THSD4: variants seen among roughly 807,000 people sequenced by gnomAD.
THSD4 encodes the protein thrombospondin type-1 domain-containing protein 4.
In THSD4, 69 loss-of-function variants were observed where a neutral mutation model predicts 119.0. That is an observed-to-expected ratio of 0.58 (90% CI 0.48 to 0.71). The LOEUF (loss-of-function observed/expected upper bound fraction) is 0.71, where lower values mean the gene tolerates loss of function less well. Among genes scored for constraint, THSD4 ranks in the 30% least tolerant of loss-of-function variants. THSD4 has a pLI of 0.00. For synonymous variants in THSD4, 524 were observed against 540.4 expected (o/e 0.97, Z 0.42); for missense variants, 1,393 against 1,391.1 (o/e 1.00, Z -0.02).
At chr15:71,304,826 G>A (rs1247332253) in intron 6 of THSD4, among the ~76,000 whole-genome samples, 1 of 152,226 alleles carries the variant, frequency 6.6e-6, no homozygotes, top group Non-Finnish European at 1.5e-5. Flanking sequence ...TAGGCAAAAA[G>A]AGTGGTAGAA....
chr15:71,433,714 G>C (rs1238782800), intron 7 of THSD4, among the ~76,000 whole-genome samples: 2 of 152,104 alleles, frequency 1.3e-5, no homozygotes, highest in African/African-American at 4.8e-5. Context: ...ATGATGCCAG[G>C]AGGATCCAAC....
At chr15:71,570,072 A>G (rs1335707045) in intron 7 of THSD4, among the ~76,000 whole-genome samples, 3 of 152,222 alleles carry the variant, frequency 2.0e-5, no homozygotes, top group Non-Finnish European at 4.4e-5. Context: ...AGCGGATAAA[A>G]TATATTAGCC....
At chr15:71,417,382 T>C (rs2046772213) in intron 7 of THSD4, among the ~76,000 whole-genome samples, 1 of 108,472 alleles carries the variant, frequency 9.2e-6, no homozygotes, top group African/African-American at 3.1e-5. Flanking sequence ...TAGATTTAAG[T>C]GTTTAATCCA....
chr15:71,480,076 A>G (rs2047707498), intron 7 of THSD4, among the ~76,000 whole-genome samples: 1 of 152,036 alleles, frequency 6.6e-6, no homozygotes, highest in Non-Finnish European at 1.5e-5. Context: ...TCGCTCTGTC[A>G]CCCAGGCTAG....
At chr15:71,226,016 A>G (rs969059868) in intron 4 of THSD4, among the ~76,000 whole-genome samples, 4 of 151,728 alleles carry the variant, frequency 2.6e-5, no homozygotes, top group Non-Finnish European at 1.5e-5. Flanking sequence ...GCCCCCTTCC[A>G]TGGAAGGGAT....
Position 71,747,568 on chromosome 15 carries a change from G to A in THSD4, c.2241+526G>A, listed in dbSNP as rs140214807. ...GCTTTTAGAAGAAAGTTTAGGAGAG[G>A]AGACGGGGACCCCTTGAATCGGAGT... On this transcript the variant is annotated intron_variant, in intron 13 of 17. Transcript: ENST00000261862. Among the ~76,000 whole-genome samples the A allele has an allele frequency of 7.0e-3, 1,068 of 152,342 alleles. 10 individuals are homozygous for A. The highest frequency in any genetic ancestry group is 0.024 in the African/African-American group (1,002 of 41,562).
chr15:71,723,102 G>A (rs564399769), intron 8 of THSD4, among the ~76,000 whole-genome samples: 19 of 148,578 alleles, frequency 1.3e-4, no homozygotes, highest in Non-Finnish European at 2.4e-4. Context: ...AAAAAAAATG[G>A]GCAGATAATA....
intron 7 of THSD4, among the ~76,000 whole-genome samples, chr15:71,521,967 G>C (rs1226406094): frequency 6.6e-6 from 1 of 152,210 alleles, no homozygotes; most frequent in Non-Finnish European, 1.5e-5. Flanking sequence ...GAGCCAGTCT[G>C]TGTCCCTTTG....
rs1456859752 is a variant in THSD4, at chr15:71,737,986, T to A, written c.1885T>A (p.Cys629Ser). ...HNWKQLGTTECSTTCGKGSQY... is the reference protein window; with the variant it reads ...HNWKQLGTTESSTTCGKGSQY... ...CTGGAAGCAGCTTGGGACAACAGAATGTTCCACGACCTGTGGGAAAGGTGA... is the reference window on the plus strand; with the variant it reads ...CTGGAAGCAGCTTGGGACAACAGAAAGTTCCACGACCTGTGGGAAAGGTGA... Residue 629 changes from cysteine (C) to serine (S), a missense_variant, in exon 11 of 18, where the codon TGT becomes AGT. Cys to Ser is a moderately radical substitution (Grantham distance 112, BLOSUM62 -1). Coordinates refer to ENST00000261862, the MANE Select transcript of THSD4 (RefSeq NM_024817.3). 6.2e-7 allele frequency: 1 copy of A among 1,613,778 alleles called. No individual in the cohort carries two copies. Among genetic ancestry groups the A allele is most frequent in the South Asian group, 1.1e-5 (1 of 91,010 alleles).
At chr15:71,357,639 G>A (rs1292797512) in intron 6 of THSD4, among the ~76,000 whole-genome samples, 1 of 152,182 alleles carries the variant, frequency 6.6e-6, no homozygotes, top group Non-Finnish European at 1.5e-5. Context: ...CCTGGATTAA[G>A]TGTCTTGGGC....
chr15:71,423,756 G>A (rs1015038612), intron 7 of THSD4, among the ~76,000 whole-genome samples: 2 of 152,188 alleles, frequency 1.3e-5, no homozygotes, highest in Non-Finnish European at 2.9e-5. Flanking sequence ...CATTCCCAGC[G>A]ATTACACGGC....
chr15:71,424,461 G>C (rs187537906), intron 7 of THSD4, among the ~76,000 whole-genome samples: 6 of 152,166 alleles, frequency 3.9e-5, no homozygotes, highest in Admixed American at 3.9e-4. Context: ...ATATTGAAAG[G>C]CCTCGAAGGG....
intron 7 of THSD4, among the ~76,000 whole-genome samples, chr15:71,476,257 A>G (rs975037538): frequency 3.3e-5 from 5 of 151,852 alleles, no homozygotes; most frequent in African/African-American, 9.7e-5. Context: ...TTTGAGGCAG[A>G]GTCTCGTGCT....
At chr15:71,744,899 C>A (rs2053305109) in intron 11 of THSD4, among the ~76,000 whole-genome samples, 1 of 152,140 alleles carries the variant, frequency 6.6e-6, no homozygotes, top group Admixed American at 6.5e-5. Flanking sequence ...CTTCTTTGCA[C>A]CCCCACAGTT....
chr15:71,713,748 C>T (rs573544146), intron 8 of THSD4, among the ~76,000 whole-genome samples: 1 of 152,064 alleles, frequency 6.6e-6, no homozygotes, highest in South Asian at 2.1e-4. Context: ...TACCAAGTTA[C>T]AGGGGTCATT....
intron 7 of THSD4, among the ~76,000 whole-genome samples, chr15:71,464,275 G>C (rs1046620774): frequency 5.9e-5 from 9 of 152,334 alleles, no homozygotes; most frequent in Non-Finnish European, 1.2e-4. Flanking sequence ...TCATGGCAGA[G>C]TGTACCCTTC....
At chr15:71,735,522 T>G (rs977205463) in intron 10 of THSD4, among the ~76,000 whole-genome samples, 2 of 149,580 alleles carry the variant, frequency 1.3e-5, no homozygotes, top group Non-Finnish European at 3.0e-5. Context: ...CTGTCTCTCT[T>G]ACCATCTCCC....
rs552667027 is a variant in THSD4 at position 71,715,808 on chromosome 15, C to A, written c.1358-12741C>A. ...TTTTTTTCCTCTATTTAGGATAGGT[C>A]TATTTAACACTGGCTTCAAATATTG... On this transcript the variant is annotated intron_variant, in intron 8 of 17. Transcript: ENST00000261862. Among the ~76,000 whole-genome samples the A allele has an allele frequency of 2.0e-5, 3 of 149,696 alleles. No homozygotes were observed. In the East Asian group the frequency reaches 5.9e-4, roughly 29 times the overall value.
intron 8 of THSD4, among the ~76,000 whole-genome samples, chr15:71,711,907 C>G (rs1604334): frequency 0.92 from 139,552 of 152,144 alleles, 65,026 homozygotes; most frequent in Non-Finnish European, 1. Flanking sequence ...ACACATGAAG[C>G]AAAAACTGAT....
Sources: allele counts gnomAD v4.1 joint callset (sites outside exome capture counted in the v4.1 genomes callset), GRCh38; gene constraint gnomAD v4.1.1; transcripts MANE v1.5; gene names NCBI Gene and HGNC (gene_info 2026-07-23, HGNC 2026-07-21).